Variants in NRG1 observed in about 807,000 individuals in gnomAD.
The protein encoded by NRG1 is pro-neuregulin-1, membrane-bound isoform.
Under a neutral mutation model 63.8 loss-of-function variants are expected in NRG1, and 18 were observed. The observed-to-expected ratio is 0.28, with a 90% confidence interval of 0.19 to 0.42. The LOEUF (loss-of-function observed/expected upper bound fraction) is 0.42. Among genes scored for constraint, NRG1 ranks in the 10% least tolerant of loss-of-function variants. NRG1 has a pLI of 1.00. For missense variants in NRG1, 762 were observed against 814.7 expected (o/e 0.94, Z 0.79); for synonymous variants, 302 against 301.3 (o/e 1.00, Z -0.02).
chr8:32,462,000 C>T (rs537258256), intron 1 of NRG1, among the ~76,000 whole-genome samples: 3 of 152,240 alleles, frequency 2.0e-5, no homozygotes, highest in Admixed American at 1.3e-4. Context: ...CTCTGTTTGG[C>T]ACCCTGTTTC....
intron 1 of NRG1, among the ~76,000 whole-genome samples, chr8:32,067,353 G>A (rs1423553783): frequency 1.3e-5 from 2 of 152,028 alleles, no homozygotes; most frequent in African/African-American, 4.8e-5. Flanking sequence ...ATTATTTTGA[G>A]GTACGTCCCA....
At chr8:32,221,335 G>A (rs183682678) in intron 1 of NRG1, among the ~76,000 whole-genome samples, 138 of 152,282 alleles carry the variant, frequency 9.1e-4, no homozygotes, top group Non-Finnish European at 1.5e-3. Flanking sequence ...GCACGGTGGA[G>A]AAAGGAGACC....
chr8:32,410,136 C>T (rs1296183298), intron 1 of NRG1, among the ~76,000 whole-genome samples: 1 of 151,040 alleles, frequency 6.6e-6, no homozygotes, highest in Non-Finnish European at 1.5e-5. Context: ...GTCAGTGATT[C>T]ACCCCCATTC....
At chr8:31,955,790 C>A (rs1264514181) in intron 1 of NRG1, among the ~76,000 whole-genome samples, 2 of 151,886 alleles carry the variant, frequency 1.3e-5, no homozygotes, top group Non-Finnish European at 2.9e-5. Flanking sequence ...GTAATCCCAG[C>A]ACTTTGGGAG....
intron 5 of NRG1, among the ~76,000 whole-genome samples, chr8:32,715,012 T>A (rs968079937): frequency 1.3e-5 from 2 of 152,132 alleles, no homozygotes; most frequent in African/African-American, 2.4e-5. Context: ...CTTGCTCTGT[T>A]GCCCAGGCTG....
chr8:32,329,842 C>T (rs1456367887), intron 1 of NRG1, among the ~76,000 whole-genome samples: 3 of 95,014 alleles, frequency 3.2e-5, no homozygotes, highest in African/African-American at 9.0e-5. Context: ...AAAACCACAA[C>T]CTTTAGGTTT....
At chr8:32,490,420 T>C (rs1321284493) in intron 1 of NRG1, among the ~76,000 whole-genome samples, 1 of 152,148 alleles carries the variant, frequency 6.6e-6, no homozygotes, top group Non-Finnish European at 1.5e-5. Context: ...CCTCCAGTTT[T>C]AGAATTGATG....
intron 1 of NRG1, among the ~76,000 whole-genome samples, chr8:32,080,764 CGTGTGT>C (rs3084557): frequency 0.026 from 3,903 of 148,706 alleles, 69 homozygotes; most frequent in South Asian, 0.042. Context: ...TGTGTGTGTG[CGTGTGT>C]GTGTGTGTGT....
intron 7 of NRG1, among the ~76,000 whole-genome samples, chr8:32,753,672 A>C (rs1425850730): frequency 1.3e-5 from 2 of 152,170 alleles, no homozygotes; most frequent in Non-Finnish European, 2.9e-5. Context: ...ATTTTCTTTG[A>C]TACAGTGCCC....
chr8:31,933,950 A>G (rs982276266), intron 1 of NRG1, among the ~76,000 whole-genome samples: 1 of 152,176 alleles, frequency 6.6e-6, no homozygotes, highest in African/African-American at 2.4e-5. Flanking sequence ...GCCTGAGTGC[A>G]TGCAGCTAAG....
intron 1 of NRG1, among the ~76,000 whole-genome samples, chr8:31,702,060 G>C (rs542416811): frequency 6.6e-6 from 1 of 152,280 alleles, no homozygotes; most frequent in African/African-American, 2.4e-5. Context: ...CTGAAAGTTT[G>C]AGAATCACTG....
chr8:31,649,021 C>T (rs893760711), intron 1 of NRG1, among the ~76,000 whole-genome samples: 52 of 151,008 alleles, frequency 3.4e-4, no homozygotes, highest in Non-Finnish European at 6.2e-4. Flanking sequence ...TGCAGTGGCA[C>T]GATCTTGGCT....
At chr8:32,713,649 C>T (rs1400403074) in intron 5 of NRG1, among the ~76,000 whole-genome samples, 1 of 146,454 alleles carries the variant, frequency 6.8e-6, no homozygotes, top group Non-Finnish European at 1.5e-5. Flanking sequence ...TTTCTGTTTT[C>T]TGTAGATATT....
At chr8:32,544,510 T>G (rs1486746197), upstream of NRG1, among the ~76,000 whole-genome samples, 1 of 103,794 alleles carries the variant, frequency 9.6e-6, no homozygotes, top group Non-Finnish European at 2.1e-5. Flanking sequence ...TTTATTTATT[T>G]ATTTATTGTT....
intron 1 of NRG1, among the ~76,000 whole-genome samples, chr8:32,409,188 T>C (rs1230899128): frequency 6.6e-6 from 1 of 152,040 alleles, no homozygotes; most frequent in Non-Finnish European, 1.5e-5. Context: ...GCTAGGAAAA[T>C]TGGCTAGCCA....
At chr8:32,119,798 A>G (rs1268831932) in intron 1 of NRG1, among the ~76,000 whole-genome samples, 1 of 152,016 alleles carries the variant, frequency 6.6e-6, no homozygotes. Context: ...GAACTACCCT[A>G]ACAATCTGTT....
chr8:31,892,495 G>C (rs1052433046), intron 1 of NRG1, among the ~76,000 whole-genome samples: 1 of 152,146 alleles, frequency 6.6e-6, no homozygotes, highest in African/African-American at 2.4e-5. Context: ...CTTGTGAGTA[G>C]TTTACAGGGG....
intron 1 of NRG1, among the ~76,000 whole-genome samples, chr8:32,135,129 G>T (rs533230765): frequency 3.6e-4 from 55 of 152,218 alleles, no homozygotes; most frequent in South Asian, 8.3e-4. Context: ...GAGAAGAAAA[G>T]GTAGGAAGAA....
At chr8:31,960,935 G>A (rs1805345365) in intron 1 of NRG1, among the ~76,000 whole-genome samples, 1 of 152,122 alleles carries the variant, frequency 6.6e-6, no homozygotes, top group South Asian at 2.1e-4. Flanking sequence ...ATTTACCTTA[G>A]GTTTGCTTTA....
Sources: allele counts gnomAD v4.1 joint callset (sites outside exome capture counted in the v4.1 genomes callset), GRCh38; gene constraint gnomAD v4.1.1; transcripts MANE v1.5; gene names NCBI Gene and HGNC (gene_info 2026-07-23, HGNC 2026-07-21).